RBFOX1: variants seen among roughly 807,000 people sequenced by gnomAD.
The protein encoded by RBFOX1 is RNA binding protein fox-1 homolog 1.
RBFOX1 carries 8 observed loss-of-function variants against 57.7 expected under a neutral mutation model. That is an observed-to-expected ratio of 0.14 (90% CI 0.08 to 0.25). The LOEUF is 0.25. RBFOX1 is among the 10% of genes least tolerant of loss of function. RBFOX1 has a pLI of 1.00. For synonymous variants in RBFOX1, 326 were observed against 222.4 expected (o/e 1.47, Z -4.15); for missense variants, 611 against 548.5 (o/e 1.11, Z -1.14).
At chr16:6,783,269 A>C (rs62016082) in intron 3 of RBFOX1, among the ~76,000 whole-genome samples, 37,500 of 150,496 alleles carry the variant, frequency 0.25, 5,802 homozygotes, top group African/African-American at 0.41. Flanking sequence ...TACTACCGCC[A>C]TTTAGTTGTT....
intron 13 of RBFOX1, among the ~76,000 whole-genome samples, chr16:7,666,108 T>A (rs1027226152): frequency 1.3e-5 from 2 of 152,234 alleles, no homozygotes; most frequent in Non-Finnish European, 2.9e-5. Context: ...TCTCATGTCC[T>A]CTTTTTTCAG....
chr16:6,093,124 A>C (rs373332893), intron 1 of RBFOX1, among the ~76,000 whole-genome samples: 1 of 152,208 alleles, frequency 6.6e-6, no homozygotes, highest in Non-Finnish European at 1.5e-5. Context: ...CTGGTTGGCT[A>C]TCCCCAAAAA....
intron 1 of RBFOX1, among the ~76,000 whole-genome samples, chr16:5,342,363 A>C (rs1183813923): frequency 7.9e-5 from 12 of 152,198 alleles, no homozygotes; most frequent in Admixed American, 7.2e-4. Flanking sequence ...TTGGGGGACT[A>C]CAGAGCAGAG....
chr16:5,718,251 A>G (rs2051792574), intron 3 of RBFOX1, among the ~76,000 whole-genome samples: 1 of 152,250 alleles, frequency 6.6e-6, no homozygotes, highest in African/African-American at 2.4e-5. Context: ...ACATTTATTA[A>G]GAATCCATGT....
chr16:7,309,719 GTT>G (rs1332497612), intron 4 of RBFOX1, among the ~76,000 whole-genome samples: 1 of 152,150 alleles, frequency 6.6e-6, no homozygotes, highest in African/African-American at 2.4e-5. Flanking sequence ...AAACAGTGTA[GTT>G]TGTCAGGCAA....
intron 4 of RBFOX1, among the ~76,000 whole-genome samples, chr16:7,277,387 C>T (rs2095461247): frequency 1.3e-5 from 2 of 152,262 alleles, no homozygotes; most frequent in East Asian, 3.9e-4. Flanking sequence ...TTGCCTACCT[C>T]CATCTCCCAC....
intron 4 of RBFOX1, among the ~76,000 whole-genome samples, chr16:5,874,445 T>C (rs1342577130): frequency 3.9e-5 from 6 of 152,194 alleles, no homozygotes; most frequent in African/African-American, 1.4e-4. Context: ...TGTTGTGTTT[T>C]GCTCATCATT....
At chr16:5,572,057 G>A (rs1273938863) in intron 2 of RBFOX1, among the ~76,000 whole-genome samples, 2 of 152,122 alleles carry the variant, frequency 1.3e-5, no homozygotes, top group African/African-American at 4.8e-5. Flanking sequence ...TCCTGACATA[G>A]AACAAGCTCT....
intron 1 of RBFOX1, among the ~76,000 whole-genome samples, chr16:5,301,527 G>C (rs987864685): frequency 6.8e-6 from 1 of 146,164 alleles, no homozygotes; most frequent in South Asian, 2.2e-4. Flanking sequence ...GCTGAGGCAG[G>C]AGAATGGCGT....
At chr16:7,326,951 A>C (rs1038274400) in intron 4 of RBFOX1, among the ~76,000 whole-genome samples, 3 of 152,148 alleles carry the variant, frequency 2.0e-5, no homozygotes, top group African/African-American at 7.2e-5. Flanking sequence ...GCTAGTGGAC[A>C]TTTTAGTCAT....
intron 2 of RBFOX1, among the ~76,000 whole-genome samples, chr16:5,471,497 C>G (rs1336341221): frequency 6.6e-6 from 1 of 152,084 alleles, no homozygotes; most frequent in African/African-American, 2.4e-5. Flanking sequence ...GCCCAGGAAG[C>G]TGAAGATGAG....
chr16:6,901,243 C>T (rs1345913301), intron 3 of RBFOX1, among the ~76,000 whole-genome samples: 4 of 152,152 alleles, frequency 2.6e-5, no homozygotes, highest in African/African-American at 7.2e-5. Flanking sequence ...GACTTCATTC[C>T]AGTGAGGACA....
chr16:7,448,164 G>A lies in RBFOX1; in HGVS notation c.28-69983G>A, dbSNP rs531604268. On this transcript the variant is annotated intron_variant, in intron 4 of 15. Transcript: ENST00000550418. ...GTATTAATTTCCTACCCCTTCCATA[G>A]CAAATTACTGCAAACAGAGCGGCTT... is the stretch of plus-strand genomic sequence containing the variant. Among the ~76,000 whole-genome samples the A allele has an allele frequency of 8.1e-4, 123 of 152,298 alleles. 1 individual carries two copies. The highest frequency in any genetic ancestry group is 2.8e-3 in the African/African-American group (116 of 41,548).
intron 1 of RBFOX1, among the ~76,000 whole-genome samples, chr16:6,212,899 G>A (rs964869287): frequency 6.6e-6 from 1 of 152,112 alleles, no homozygotes; most frequent in Non-Finnish European, 1.5e-5. Flanking sequence ...TGTTATTAAC[G>A]AAGAATTGAA....
intron 1 of RBFOX1, among the ~76,000 whole-genome samples, chr16:5,350,087 G>C (rs567473047): frequency 6.6e-6 from 1 of 152,148 alleles, no homozygotes; most frequent in South Asian, 2.1e-4. Context: ...GGTAGAAGTG[G>C]GATCTTTTAA....
rs539558573 is a variant in RBFOX1, at chr16:7,278,201, A to G, written c.27+226103A>G. Among the ~76,000 whole-genome samples the G allele has an allele frequency of 9.2e-5, 14 of 152,318 alleles. No homozygotes were observed. The South Asian group carries it at 2.9e-3, about 32-fold the overall frequency. On this transcript the variant is annotated intron_variant, in intron 4 of 15. Coordinates refer to ENST00000550418, the MANE Select transcript of RBFOX1 (RefSeq NM_018723.4). ...TGGTTGATATGGTTATACTTGGTGT[A>G]TGCATTCAACAAATTAACCAGTTGC...
At position 7,009,999 on chromosome 16, in the gene RBFOX1, A is replaced by G. The variant is rs139651389; in HGVS notation, c.-15-42058A>G. Among the ~76,000 whole-genome samples, 593 of 152,044 alleles carry G rather than the reference A, an allele frequency of 3.9e-3. 5 individuals carry two copies. Among genetic ancestry groups the G allele is most frequent in the African/African-American group, 0.013 (552 of 41,388 alleles). ...GTAAGGCTTCCTGTGCTAAAAATCA[A>G]TTAGACTTGATAGAAGCTCAGAGAA... is the stretch of plus-strand genomic sequence containing the variant. On this transcript the variant is annotated intron_variant, in intron 3 of 15. Coordinates refer to ENST00000550418, the MANE Select transcript of RBFOX1 (RefSeq NM_018723.4).
At chr16:5,589,397 G>A (rs961218090) in intron 2 of RBFOX1, among the ~76,000 whole-genome samples, 1 of 152,158 alleles carries the variant, frequency 6.6e-6, no homozygotes, top group Non-Finnish European at 1.5e-5. Flanking sequence ...TGCCCTCTCT[G>A]AATCCAATTT....
intron 4 of RBFOX1, among the ~76,000 whole-genome samples, chr16:7,460,743 T>C (rs1376251221): frequency 2.0e-5 from 3 of 151,822 alleles, no homozygotes; most frequent in African/African-American, 7.3e-5. Flanking sequence ...GATATCTAAA[T>C]GAATGAATGA....
Sources: allele counts gnomAD v4.1 joint callset (sites outside exome capture counted in the v4.1 genomes callset), GRCh38; gene constraint gnomAD v4.1.1; transcripts MANE v1.5; gene names NCBI Gene and HGNC (gene_info 2026-07-23, HGNC 2026-07-21).